Variants in RPS6KA2 observed in about 807,000 individuals in gnomAD.
RPS6KA2 encodes ribosomal protein S6 kinase A2.
In RPS6KA2, 42 loss-of-function variants were observed where a neutral mutation model predicts 91.8. The ratio of observed to expected loss-of-function variants is 0.46; its 90% CI spans 0.36 to 0.59. The LOEUF (loss-of-function observed/expected upper bound fraction) is 0.59, where lower values mean the gene tolerates loss of function less well. Ranked by LOEUF, RPS6KA2 falls within the 20% of genes least tolerant of loss-of-function variation. The pLI, the probability that RPS6KA2 is intolerant of heterozygous loss-of-function variation, is 0.00. For missense variants in RPS6KA2, 798 were observed against 978.5 expected (o/e 0.82, Z 2.46); for synonymous variants, 414 against 393.6 (o/e 1.05, Z -0.61).
chr6:166,417,539 T>G (rs1032164451), intron 19 of RPS6KA2, among the ~76,000 whole-genome samples: 1 of 152,098 alleles, frequency 6.6e-6, no homozygotes, highest in Admixed American at 6.6e-5. Context: ...GGCTCCAGCC[T>G]GCCGGCTGCC....
At chr6:166,579,464 T>G (rs1360255313) in intron 1 of RPS6KA2, among the ~76,000 whole-genome samples, 1 of 152,092 alleles carries the variant, frequency 6.6e-6, no homozygotes, top group Non-Finnish European at 1.5e-5. Flanking sequence ...GTGGCAATTC[T>G]ACTGCAATTA....
At chr6:166,854,208 T>C (rs1433277879) in intron 2 of RPS6KA2, among the ~76,000 whole-genome samples, 1 of 152,180 alleles carries the variant, frequency 6.6e-6, no homozygotes, top group Non-Finnish European at 1.5e-5. Context: ...AATAAAGGTG[T>C]ATTGCAGTAA....
rs9355597 is a variant in RPS6KA2, at chr6:166,821,089, T to A, written c.123+37111A>T. On this transcript the variant is annotated intron_variant, in intron 2 of 21. Coordinates refer to the RPS6KA2 transcript ENST00000503859. The surrounding 1 kb of genome is among the most constrained non-coding windows in gnomAD (Gnocchi z 4.1). ...TAGGGATTTGGATATTGAATTAGGT[T>A]ACCATATTTTGTATCACACGCTAGG... Among the ~76,000 whole-genome samples, 100,807 of 152,058 alleles carry A rather than the reference T, an allele frequency of 0.66. 34,010 individuals carry two copies. The highest frequency in any genetic ancestry group is 0.74 in the Non-Finnish European group (50,128 of 67,986).
chr6:166,850,468 T>C (rs892422608), intron 2 of RPS6KA2, among the ~76,000 whole-genome samples: 5 of 152,148 alleles, frequency 3.3e-5, no homozygotes, highest in African/African-American at 9.7e-5. Context: ...TAGCAGTGAA[T>C]AGGGAGGTAT....
At chr6:166,486,662 T>A (rs1016105) in intron 10 of RPS6KA2, among the ~76,000 whole-genome samples, 19,969 of 152,254 alleles carry the variant, frequency 0.13, 1,616 homozygotes, top group Middle Eastern at 0.22. Flanking sequence ...GGGGGCTGGG[T>A]CCATCGGTGT....
chr6:166,854,094 T>C (rs1780823056), intron 2 of RPS6KA2, among the ~76,000 whole-genome samples: 2 of 152,194 alleles, frequency 1.3e-5, no homozygotes, highest in Non-Finnish European at 1.5e-5. Flanking sequence ...ATGCGTCAGA[T>C]GAAATTAGAC....
At chr6:166,763,714 C>T (rs77039885) in intron 2 of RPS6KA2, among the ~76,000 whole-genome samples, 4,379 of 152,274 alleles carry the variant, frequency 0.029, 165 homozygotes, top group African/African-American at 0.072. Context: ...AAAGGCGTTT[C>T]GTAAGTAGTG....
intron 2 of RPS6KA2, among the ~76,000 whole-genome samples, chr6:166,672,142 C>A (rs1788489517): frequency 6.6e-6 from 1 of 152,102 alleles, no homozygotes; most frequent in African/African-American, 2.4e-5. Flanking sequence ...CCAAGGAAAA[C>A]CCTGGGTTAA....
chr6:166,544,090 G>A (rs1275212241), intron 1 of RPS6KA2, among the ~76,000 whole-genome samples: 1 of 152,178 alleles, frequency 6.6e-6, no homozygotes, highest in Non-Finnish European at 1.5e-5. Flanking sequence ...TCCTTCCTTG[G>A]GTTCCCTGCT....
chr6:166,491,395 G>A (rs1324787992), intron 8 of RPS6KA2, among the ~76,000 whole-genome samples: 2 of 152,236 alleles, frequency 1.3e-5, no homozygotes, highest in Non-Finnish European at 2.9e-5. Flanking sequence ...CAACTCCCCC[G>A]GGCACATGCA....
intron 1 of RPS6KA2, among the ~76,000 whole-genome samples, chr6:166,611,612 A>C (rs1786179366): frequency 6.6e-6 from 1 of 152,232 alleles, no homozygotes; most frequent in African/African-American, 2.4e-5. Flanking sequence ...CAATGAAAGA[A>C]ATTGCTTGGC....
In RPS6KA2 at chr6:166,510,554, C is replaced by CATAT. The variant is rs58712416; in HGVS notation, c.299-201_299-198dup. On this transcript the variant is annotated intron_variant, in intron 3 of 20. Transcript: ENST00000265678. ...TTTAATACATTTGCTTTCTCTCTCT[C>CATAT]ATATATATATATATATATATATATA... 4.1e-3 allele frequency among the ~76,000 whole-genome samples: 319 copies of CATAT among 78,370 alleles called. 5 individuals carry two copies. The highest frequency in any genetic ancestry group is 5.2e-3 in the Non-Finnish European group (203 of 39,264). The allele number at this position is 78,370 out of a possible 152,430, so 51.4% of individuals were successfully genotyped here. A position where few individuals can be genotyped will look rare whatever the true frequency, so the allele number is the denominator to read the frequency against.
chr6:166,619,900 G>A (rs986824411), intron 1 of RPS6KA2, among the ~76,000 whole-genome samples: 1 of 152,170 alleles, frequency 6.6e-6, no homozygotes, highest in African/African-American at 2.4e-5. Context: ...AGTCGCTAGG[G>A]CATTTCTACC....
At position 166,434,756 on chromosome 6, in the gene RPS6KA2, T is replaced by C. The variant is rs1002570808; in HGVS notation, c.1333-2266A>G. On this transcript the variant is annotated intron_variant, in intron 14 of 20. Transcript: ENST00000265678. This position sits in a 1 kb window ranked among gnomAD's most constrained non-coding sequence, Gnocchi z 4.4. The stretch of plus-strand genomic sequence containing the variant: ...ACAAGATGCAGAGTAAACAAGAAAG[T>C]GGGAGCTTTTTCTCCACCGCCACGG... Among the ~76,000 whole-genome samples, 2 of 152,168 alleles carry C rather than the reference T, an allele frequency of 1.3e-5. No homozygotes were observed. The highest frequency in any genetic ancestry group is 4.8e-5 in the African/African-American group (2 of 41,448).
chr6:166,532,247 G>C (rs1411362561), intron 2 of RPS6KA2, among the ~76,000 whole-genome samples: 1 of 152,204 alleles, frequency 6.6e-6, no homozygotes, highest in Non-Finnish European at 1.5e-5. Flanking sequence ...GTGAGCATCC[G>C]TGTGGAGCAG....
At chr6:166,525,961 T>C (rs1391530137) in intron 3 of RPS6KA2, among the ~76,000 whole-genome samples, 2 of 152,186 alleles carry the variant, frequency 1.3e-5, no homozygotes, top group Non-Finnish European at 2.9e-5. Context: ...GTCAACTCTC[T>C]TCTTTCACAG....
At chr6:166,632,930 C>T (rs1424843492) in intron 2 of RPS6KA2, among the ~76,000 whole-genome samples, 2 of 152,012 alleles carry the variant, frequency 1.3e-5, no homozygotes, top group Admixed American at 6.5e-5. Context: ...TGAAATACCT[C>T]GGGGCCGGGC....
chr6:166,418,236 C>T lies in RPS6KA2; in HGVS notation c.1927G>A (p.Asp643Asn), dbSNP rs201987457. The T allele has an allele frequency of 1.9e-6, 3 of 1,606,348 alleles. No individual in the cohort carries two copies. In the East Asian group the frequency reaches 6.7e-5, roughly 36 times the overall value. Reference sequence around the variant, plus strand: ...GGACATGTACTCACTTTAGCTGCGTCAGATATCGAGTCCCAGTTTCCCCCA... The same window carrying T: ...GGACATGTACTCACTTTAGCTGCGTTAGATATCGAGTCCCAGTTTCCCCCA... ...LSGGNWDSIS[D>N]AAKDVVSKML... Residue 643 changes from aspartate to asparagine, a missense_variant, in exon 19 of 21, where the codon GAC becomes AAC. Transcript: ENST00000265678. This position sits in a 1 kb window ranked among gnomAD's most constrained non-coding sequence, Gnocchi z 4.9.
intron 2 of RPS6KA2, among the ~76,000 whole-genome samples, chr6:166,656,255 G>A (rs933686099): frequency 3.3e-5 from 4 of 120,480 alleles, no homozygotes; most frequent in South Asian, 2.5e-4. Context: ...TGGCGTTAGC[G>A]GTCTCTGAGA....
Sources: allele counts gnomAD v4.1 joint callset (sites outside exome capture counted in the v4.1 genomes callset), GRCh38; gene constraint gnomAD v4.1.1; non-coding constraint Gnocchi (gnomAD v3.1); transcripts MANE v1.5; gene names NCBI Gene and HGNC (gene_info 2026-07-23, HGNC 2026-07-21).